NXPE2: variants seen among roughly 807,000 people sequenced by gnomAD.
The protein encoded by NXPE2 is NXPE family member 2.
A neutral mutation model predicts 34.4 loss-of-function variants in NXPE2; 34 were observed. That is an observed-to-expected ratio of 0.99 (90% confidence interval 0.75 to 1.31). NXPE2 has a LOEUF of 1.31. Ranked by LOEUF, NXPE2 falls within the 40% of genes most tolerant of loss-of-function variation. NXPE2 has a pLI of 0.00. For synonymous variants in NXPE2, 235 were observed against 231.3 expected (o/e 1.02, Z -0.15); for missense variants, 649 against 672.5 (o/e 0.97, Z 0.39).
At chr11:114,660,784 T>G in the NXPE2 span, among the ~76,000 whole-genome samples, 4 of 152,098 alleles carry the variant, frequency 2.6e-5, no homozygotes, top group African/African-American at 9.7e-5. Context: ...GCATACCATT[T>G]GGATAAAGGA....
chr11:114,580,486 G>T, the NXPE2 span: 22 of 641,936 alleles, frequency 3.4e-5, no homozygotes, highest in African/African-American at 2.6e-4. Context: ...TCTCTTAATG[G>T]AACAGCTGTT....
chr11:114,751,395 G>T, the NXPE2 span, among the ~76,000 whole-genome samples: 141,487 of 152,192 alleles, frequency 0.93, 66,676 homozygotes, highest in East Asian at 1. Context: ...CAGACATTTA[G>T]TGAGTTCCTA....
chr11:114,552,571 T>C, the NXPE2 span, among the ~76,000 whole-genome samples: 1 of 151,844 alleles, frequency 6.6e-6, no homozygotes, highest in Non-Finnish European at 1.5e-5. Flanking sequence ...AAAAAGCATG[T>C]TCAATAGGAC....
At chr11:114,668,508 T>C in the NXPE2 span, among the ~76,000 whole-genome samples, 1,102 of 152,238 alleles carry the variant, frequency 7.2e-3, 5 homozygotes, top group Non-Finnish European at 0.012. Context: ...GTTGAGGTTC[T>C]ACAGGTACAC....
intron 2 of NXPE2, among the ~76,000 whole-genome samples, chr11:114,694,531 T>C (rs189018413): frequency 3.3e-5 from 5 of 152,306 alleles, no homozygotes; most frequent in Admixed American, 2.6e-4. Flanking sequence ...CAAATATTTC[T>C]TCTGTTCCTT....
the NXPE2 span, among the ~76,000 whole-genome samples, chr11:114,639,664 G>C: frequency 7.2e-6 from 1 of 138,262 alleles, no homozygotes; most frequent in Non-Finnish European, 1.5e-5. Flanking sequence ...TAATTTACTT[G>C]TATTATATAT....
At chr11:114,632,192 T>C in the NXPE2 span, among the ~76,000 whole-genome samples, 2 of 141,750 alleles carry the variant, frequency 1.4e-5, no homozygotes, top group Non-Finnish European at 1.5e-5. Context: ...AAATAAATGA[T>C]CATATATACA....
At chr11:114,523,014 A>G in the NXPE2 span, 1 of 1,613,640 alleles carries the variant, frequency 6.2e-7, no homozygotes, top group Non-Finnish European at 8.5e-7. Flanking sequence ...GTTGTTATCC[A>G]TTTTCCTTGT....
the NXPE2 span, among the ~76,000 whole-genome samples, chr11:114,483,748 G>C: frequency 1.3e-5 from 2 of 152,146 alleles, no homozygotes; most frequent in African/African-American, 2.4e-5. Context: ...TGGTAGAATG[G>C]AAAGTCTTAG....
the NXPE2 span, among the ~76,000 whole-genome samples, chr11:114,773,411 C>T: frequency 6.6e-6 from 1 of 151,964 alleles, no homozygotes; most frequent in African/African-American, 2.4e-5. Flanking sequence ...CTTGACTCAA[C>T]AAAGTTTGCA....
chr11:114,707,604 ACAATGTTGTGAAACCCT>A (rs1367562728), downstream of NXPE2: 1 of 180,748 alleles, frequency 5.5e-6, no homozygotes, highest in African/African-American at 2.4e-5. Context: ...TAAGTAATTT[ACAATGTTGTGAAACCCT>A]CATCATGATC....
At chr11:114,485,287 C>A in the NXPE2 span, among the ~76,000 whole-genome samples, 2 of 151,728 alleles carry the variant, frequency 1.3e-5, no homozygotes, top group Non-Finnish European at 2.9e-5. Flanking sequence ...TGGCTCACTG[C>A]ATCCTCCACC....
the NXPE2 span, among the ~76,000 whole-genome samples, chr11:114,634,777 T>A: frequency 9.9e-5 from 15 of 152,074 alleles, no homozygotes; most frequent in South Asian, 2.1e-4. Flanking sequence ...TAGTTGTAGA[T>A]ATGTGGCATT....
At chr11:114,742,751 C>T in the NXPE2 span, among the ~76,000 whole-genome samples, 1 of 150,932 alleles carries the variant, frequency 6.6e-6, no homozygotes, top group Admixed American at 6.7e-5. Flanking sequence ...TGGTAGAAAG[C>T]TCTTATTCTG....
At chr11:114,541,299 C>G in the NXPE2 span, among the ~76,000 whole-genome samples, 1 of 152,002 alleles carries the variant, frequency 6.6e-6, no homozygotes, top group Non-Finnish European at 1.5e-5. Flanking sequence ...GGAAGCCAAC[C>G]CTGAGATAAC....
chr11:114,556,537 A>C, the NXPE2 span, among the ~76,000 whole-genome samples: 4 of 151,824 alleles, frequency 2.6e-5, no homozygotes, highest in African/African-American at 9.7e-5. Context: ...GCTTGAATTC[A>C]AGTTGCTTTG....
At chr11:114,621,164 ATAAT>A in the NXPE2 span, among the ~76,000 whole-genome samples, 2 of 152,214 alleles carry the variant, frequency 1.3e-5, no homozygotes, top group South Asian at 4.2e-4. Context: ...TACCCAGTGG[ATAAT>A]TAGTGTTGCC....
chr11:114,607,684 G>A, the NXPE2 span, among the ~76,000 whole-genome samples: 2 of 151,764 alleles, frequency 1.3e-5, no homozygotes, highest in East Asian at 2.0e-4. Context: ...GTTGAGTTGC[G>A]GGTAACCACT....
At chr11:114,502,168 C>A in the NXPE2 span, among the ~76,000 whole-genome samples, 116 of 152,214 alleles carry the variant, frequency 7.6e-4, no homozygotes, top group African/African-American at 2.5e-3. Context: ...AAATATGTGA[C>A]CATTTTATAT....
Sources: allele counts gnomAD v4.1 joint callset (sites outside exome capture counted in the v4.1 genomes callset), GRCh38; gene constraint gnomAD v4.1.1; transcripts MANE v1.5; gene names NCBI Gene and HGNC (gene_info 2026-07-23, HGNC 2026-07-21).